Variants in ADAMTS17 observed in about 807,000 individuals in gnomAD.
ADAMTS17 encodes A disintegrin and metalloproteinase with thrombospondin motifs 17.
ADAMTS17 carries 113 observed loss-of-function variants against 141.5 expected under a neutral mutation model. The observed-to-expected ratio is 0.80, with a 90% CI of 0.69 to 0.93. ADAMTS17 has a LOEUF of 0.93. Ranked by LOEUF, ADAMTS17 falls within the 40% of genes least tolerant of loss-of-function variation. ADAMTS17 has a pLI of 0.00. For missense variants in ADAMTS17, 1,659 were observed against 1,517.9 expected (o/e 1.09, Z -1.54); for synonymous variants, 768 against 630.6 (o/e 1.22, Z -3.27).
At chr15:100,324,675 T>C (rs2045846129) in intron 3 of ADAMTS17, among the ~76,000 whole-genome samples, 1 of 152,170 alleles carries the variant, frequency 6.6e-6, no homozygotes, top group African/African-American at 2.4e-5. Context: ...AGAATACTAA[T>C]GAGAGTCTCT....
intron 8 of ADAMTS17, among the ~76,000 whole-genome samples, chr15:100,159,004 C>A (rs918727709): frequency 6.6e-6 from 1 of 152,048 alleles, no homozygotes; most frequent in African/African-American, 2.4e-5. Context: ...AATTAAAACC[C>A]CTGCATGGCG....
At chr15:100,122,444 T>G (rs2141181696) in intron 12 of ADAMTS17, among the ~76,000 whole-genome samples, 1 of 152,312 alleles carries the variant, frequency 6.6e-6, no homozygotes, top group East Asian at 1.9e-4. Context: ...TCCTTCATTT[T>G]TTATGACTGT....
chr15:100,199,178 G>C (rs574527560), intron 8 of ADAMTS17, 140 bp downstream of exon 8: 2 of 784,714 alleles, frequency 2.5e-6, no homozygotes, highest in African/African-American at 1.7e-5. Context: ...TTGGACCCTA[G>C]TGTACTGACC....
intron 3 of ADAMTS17, among the ~76,000 whole-genome samples, chr15:100,282,628 T>C (rs997596009): frequency 2.6e-5 from 4 of 152,316 alleles, no homozygotes; most frequent in African/African-American, 9.6e-5. Context: ...TGACCGTGAA[T>C]AAATGAAACT....
intron 15 of ADAMTS17, among the ~76,000 whole-genome samples, chr15:100,066,191 G>T (rs932990217): frequency 1.3e-5 from 2 of 152,106 alleles, no homozygotes; most frequent in African/African-American, 2.4e-5. Context: ...AACACACGTG[G>T]GGACATTCTC....
At chr15:100,317,414 A>AG (rs370901692) in intron 3 of ADAMTS17, among the ~76,000 whole-genome samples, 5 of 152,294 alleles carry the variant, frequency 3.3e-5, no homozygotes, top group Admixed American at 1.3e-4. Flanking sequence ...CATGAGCACC[A>AG]GGGAGACAGG....
At chr15:100,136,194 C>A (rs1019098432) in intron 10 of ADAMTS17, among the ~76,000 whole-genome samples, 13 of 152,328 alleles carry the variant, frequency 8.5e-5, no homozygotes, top group Admixed American at 5.2e-4. Flanking sequence ...AAGAGCAGAA[C>A]AGATGAATGC....
chr15:100,011,218 G>C (rs1453214282), intron 18 of ADAMTS17, among the ~76,000 whole-genome samples: 1 of 124,948 alleles, frequency 8.0e-6, no homozygotes, highest in Non-Finnish European at 1.7e-5. Context: ...AAATTCTTGG[G>C]CCATGATGGT....
At chr15:100,166,846 T>G (rs1182904704) in intron 8 of ADAMTS17, among the ~76,000 whole-genome samples, 1 of 152,208 alleles carries the variant, frequency 6.6e-6, no homozygotes, top group Non-Finnish European at 1.5e-5. Flanking sequence ...TTGCACCATC[T>G]TGCACCAGGC....
intron 19 of ADAMTS17, among the ~76,000 whole-genome samples, chr15:99,995,688 G>A (rs1012443508): frequency 6.6e-6 from 1 of 152,210 alleles, no homozygotes; most frequent in Non-Finnish European, 1.5e-5. Context: ...TCTCCCTTAA[G>A]AAACTGAAAC....
chr15:100,162,860 GTATATA>G (rs889745239), intron 8 of ADAMTS17, among the ~76,000 whole-genome samples: 1 of 142,094 alleles, frequency 7.0e-6, no homozygotes, highest in African/African-American at 2.6e-5. Flanking sequence ...ATATATCTGT[GTATATA>G]TATAACTATA....
chr15:99,986,755 AAGG>A (rs759697380), intron 20 of ADAMTS17, among the ~76,000 whole-genome samples: 23 of 152,204 alleles, frequency 1.5e-4, no homozygotes, highest in Admixed American at 7.9e-4. Context: ...TCTAGAAAGA[AAGG>A]AGATTTCCTC....
In ADAMTS17 at chr15:100,232,160, G is replaced by T. The variant is rs535174946; in HGVS notation, c.1075+21976C>A. Among the ~76,000 whole-genome samples the T allele has an allele frequency of 3.7e-4, 57 of 152,276 alleles. 4 individuals are homozygous for T. The South Asian group carries it at 0.012, about 31-fold the overall frequency. ...AAATTGGGTTGGGTTGGGGATACCT[G>T]GCCAGAGGCAGCTCTAGATTTCATT... On this transcript the variant is annotated intron_variant, in intron 7 of 21. Coordinates refer to ENST00000268070, the MANE Select transcript of ADAMTS17 (RefSeq NM_139057.4).
intron 8 of ADAMTS17, among the ~76,000 whole-genome samples, chr15:100,197,774 C>A (rs112718669): frequency 5.3e-5 from 8 of 152,128 alleles, no homozygotes; most frequent in African/African-American, 1.9e-4. Flanking sequence ...AACTACCAAA[C>A]CCCTCTACAG....
rs1053287246 is a variant in ADAMTS17, at chr15:100,239,023, G to A, written c.1075+15113C>T. On this transcript the variant is annotated intron_variant, in intron 7 of 21. Transcript: ENST00000268070. ...GGAGAATCACTTGAACCAGGAGATGGAGCTTGCAGTGAGCCGAGATCACGC... is the reference window on the plus strand; with the variant it reads ...GGAGAATCACTTGAACCAGGAGATGAAGCTTGCAGTGAGCCGAGATCACGC... 2.0e-5 allele frequency among the ~76,000 whole-genome samples: 3 copies of A among 152,324 alleles called. No individual in the cohort carries two copies. In the East Asian group the frequency reaches 5.8e-4, roughly 29 times the overall value.
At chr15:100,171,167 C>G (rs904321827) in intron 8 of ADAMTS17, among the ~76,000 whole-genome samples, 6 of 152,072 alleles carry the variant, frequency 3.9e-5, no homozygotes, top group African/African-American at 9.7e-5. Context: ...GTTGAGAGAG[C>G]CTGCTGCCTC....
At chr15:100,251,496 CG>C (rs1374470243) in intron 7 of ADAMTS17, among the ~76,000 whole-genome samples, 10 of 152,206 alleles carry the variant, frequency 6.6e-5, no homozygotes, top group Admixed American at 4.6e-4. Flanking sequence ...GAGGCCGAGG[CG>C]GATGGATCAT....
chr15:100,196,919 G>A (rs533697031), intron 8 of ADAMTS17, among the ~76,000 whole-genome samples: 2 of 152,324 alleles, frequency 1.3e-5, no homozygotes, highest in Admixed American at 6.5e-5. Flanking sequence ...AAGAGGGGGA[G>A]GGCCAAATGC....
intron 10 of ADAMTS17, among the ~76,000 whole-genome samples, chr15:100,144,779 G>A (rs191057818): frequency 1.7e-4 from 25 of 146,402 alleles, no homozygotes; most frequent in African/African-American, 4.5e-4. Flanking sequence ...CACGCGTGTC[G>A]ATGAGAAACG....
Sources: gnomAD v4.1 joint callset for allele counts (sites outside exome capture counted in the v4.1 genomes callset) on GRCh38, gnomAD v4.1.1 for gene constraint, MANE v1.5 for transcripts, NCBI Gene and HGNC (gene_info 2026-07-23, HGNC 2026-07-21) for gene names.